RFX3: variants seen among roughly 807,000 people sequenced by gnomAD.
The protein encoded by RFX3 is regulatory factor X3.
Under a neutral mutation model 98.6 loss-of-function variants are expected in RFX3, and 14 were observed. The ratio of observed to expected loss-of-function variants is 0.14; its 90% confidence interval spans 0.09 to 0.22. RFX3 has a LOEUF of 0.22. Ranked by LOEUF, RFX3 falls within the 10% of genes least tolerant of loss-of-function variation. RFX3 has a pLI of 1.00. For synonymous variants in RFX3, 383 were observed against 328.4 expected (o/e 1.17, Z -1.80); for missense variants, 639 against 926.9 (o/e 0.69, Z 4.03).
intron 1 of RFX3, among the ~76,000 whole-genome samples, chr9:3,461,273 T>G (rs1301090208): frequency 6.6e-6 from 1 of 151,912 alleles, no homozygotes; most frequent in African/African-American, 2.4e-5. Context: ...AGTTCACCAT[T>G]TTTATTCATT....
chr9:3,293,866 T>C (rs574200492), intron 5 of RFX3, among the ~76,000 whole-genome samples: 1 of 152,264 alleles, frequency 6.6e-6, no homozygotes, highest in East Asian at 1.9e-4. Flanking sequence ...TGACAAGACA[T>C]TGGCAAAGAG....
chr9:3,412,098 A>G (rs1330388148), intron 1 of RFX3, among the ~76,000 whole-genome samples: 1 of 152,210 alleles, frequency 6.6e-6, no homozygotes, highest in Non-Finnish European at 1.5e-5. Context: ...GTGTCTCAAA[A>G]CAAAGCTTAC....
rs553122338 is a variant in RFX3, at chr9:3,350,426, A to T, written c.118-3662T>A. On this transcript the variant is annotated intron_variant, in intron 2 of 16. Transcript: ENST00000617270. ...AACACTGATAATACTAAATGCTAGC[A>T]GGGATGTGAGAAATATAGAAACTCT... Among the ~76,000 whole-genome samples, 60 of 152,300 alleles carry T rather than the reference A, an allele frequency of 3.9e-4. No homozygotes were observed. The South Asian group carries it at 9.5e-3, about 24-fold the overall frequency.
chr9:3,496,463 C>T (rs909051587), intron 1 of RFX3, among the ~76,000 whole-genome samples: 3 of 151,958 alleles, frequency 2.0e-5, no homozygotes, highest in African/African-American at 4.8e-5. Context: ...TGATTGTCTA[C>T]TGCCATGTTA....
At chr9:3,419,539 A>C (rs891482305) in intron 1 of RFX3, among the ~76,000 whole-genome samples, 6 of 152,184 alleles carry the variant, frequency 3.9e-5, no homozygotes, top group Non-Finnish European at 7.3e-5. Context: ...TATGGTAATA[A>C]AATACCAAAT....
At chr9:3,227,898 G>A (rs762974257) in intron 16 of RFX3, among the ~76,000 whole-genome samples, 11 of 152,182 alleles carry the variant, frequency 7.2e-5, no homozygotes, top group Admixed American at 1.3e-4. Flanking sequence ...GGCGAATAGC[G>A]CCGAACCTCT....
intron 5 of RFX3, among the ~76,000 whole-genome samples, chr9:3,300,204 G>A (rs770868476): frequency 2.0e-5 from 3 of 151,578 alleles, no homozygotes; most frequent in Non-Finnish European, 4.4e-5. Flanking sequence ...ACATAAAAGA[G>A]TGACATACTA....
chr9:3,263,058 C>G lies in RFX3; in HGVS notation c.1482G>C (p.Gln494His). The stretch of plus-strand genomic sequence containing the variant: ...TAAGCGACGTGTATCTTCGCAGAGT[C>G]TGGGCAAAGGCACTTACAGCGGCAA... ...TKVAAVSAFA[Q>H]TLRRYTSLNH... is the part of the protein sequence containing the mutation. The change falls in exon 13 of 17, where the codon CAG (glutamine) becomes CAC (histidine). Residue 494 changes from glutamine to histidine, a missense_variant. Physicochemically the swap from Gln to His is conservative, Grantham distance 24 (BLOSUM62 0). Coordinates refer to ENST00000617270, the MANE Select transcript of RFX3 (RefSeq NM_001282116.2). The G allele has an allele frequency of 6.2e-7, 1 of 1,613,750 alleles. No individual in the cohort carries two copies. Among genetic ancestry groups the G allele is most frequent in the Non-Finnish European group, 8.5e-7 (1 of 1,179,724 alleles).
chr9:3,463,738 T>C (rs974518766), intron 1 of RFX3, among the ~76,000 whole-genome samples: 2 of 151,982 alleles, frequency 1.3e-5, no homozygotes, highest in African/African-American at 2.4e-5. Context: ...TGGGAGGCCA[T>C]GGCAGGAGGA....
intron 4 of RFX3, among the ~76,000 whole-genome samples, chr9:3,327,555 CT>C (rs981710080): frequency 1.2e-4 from 18 of 150,434 alleles, no homozygotes; most frequent in Admixed American, 2.7e-4. Flanking sequence ...ACAAAAGTTA[CT>C]TTTTTTTTAA....
At chr9:3,359,200 G>T (rs1563982542) in intron 2 of RFX3, among the ~76,000 whole-genome samples, 1 of 151,892 alleles carries the variant, frequency 6.6e-6, no homozygotes, top group Non-Finnish European at 1.5e-5. Flanking sequence ...AGCAAAGAGG[G>T]ATTAAAAAAG....
At chr9:3,463,030 C>A (rs901617113) in intron 1 of RFX3, among the ~76,000 whole-genome samples, 2 of 151,996 alleles carry the variant, frequency 1.3e-5, no homozygotes, top group Admixed American at 6.6e-5. Context: ...CAATCAAAAT[C>A]CCAGTAGGCT....
chr9:3,464,480 A>G (rs1038416788), intron 1 of RFX3, among the ~76,000 whole-genome samples: 2 of 152,244 alleles, frequency 1.3e-5, no homozygotes, highest in Non-Finnish European at 2.9e-5. Context: ...CTGCTGATAC[A>G]TATACAGCTA....
At position 3,223,803 on chromosome 9, in the gene RFX3, T is replaced by A. The variant is rs1024940289; in HGVS notation, c.*1239A>T. 7 of 152,148 alleles carry A rather than the reference T, an allele frequency of 4.6e-5. No homozygotes were observed. The highest frequency in any genetic ancestry group is 1.7e-4 in the African/African-American group (7 of 41,438). 9.4% of individuals were successfully genotyped at this position (152,148 alleles called of 1,614,324 possible). A position where few individuals can be genotyped will look rare whatever the true frequency, so the allele number is the denominator to read the frequency against. On this transcript the variant is annotated 3_prime_UTR_variant, in exon 17 of 17. Transcript: ENST00000617270. ...AAACCTTACTAAACCTTAGCTTCAG[T>A]TCTGTTTTAAGGCACCATGTAATAG...
At chr9:3,330,696 G>T (rs905484499) in intron 3 of RFX3, among the ~76,000 whole-genome samples, 179 bp from the exon 4 acceptor site, 2 of 151,854 alleles carry the variant, frequency 1.3e-5, no homozygotes, top group African/African-American at 4.8e-5. Context: ...TCAAATTAAG[G>T]GGCCACTCAT....
In RFX3 at chr9:3,455,351, A is replaced by G. The variant is rs1226494427; in HGVS notation, c.-8-59755T>C. Among the ~76,000 whole-genome samples, 2 of 152,216 alleles carry G rather than the reference A, an allele frequency of 1.3e-5. 1 individual carries two copies. Among genetic ancestry groups the G allele is most frequent in the African/African-American group, 4.8e-5 (2 of 41,532 alleles). On this transcript the variant is annotated intron_variant, in intron 1 of 16. Coordinates refer to ENST00000617270, the MANE Select transcript of RFX3 (RefSeq NM_001282116.2). ...ACCTAGTCAATGCATATTCTTTCTT[A>G]ATTCAGGCAAGCCTTCCCTTCCCTT... is the stretch of plus-strand genomic sequence containing the variant.
chr9:3,230,066 G>A (rs767418858), intron 15 of RFX3, among the ~76,000 whole-genome samples: 1 of 152,052 alleles, frequency 6.6e-6, no homozygotes, highest in Non-Finnish European at 1.5e-5. Flanking sequence ...TCCAACTATG[G>A]CTCCAAACAA....
At chr9:3,297,236 T>C (rs571856905) in intron 5 of RFX3, among the ~76,000 whole-genome samples, 4 of 152,138 alleles carry the variant, frequency 2.6e-5, no homozygotes, top group Non-Finnish European at 5.9e-5. Context: ...CTTTTGCTCT[T>C]TTATAAAATG....
At chr9:3,340,453 A>G (rs1187813455) in intron 3 of RFX3, among the ~76,000 whole-genome samples, 1 of 152,224 alleles carries the variant, frequency 6.6e-6, no homozygotes, top group East Asian at 1.9e-4. Context: ...AACTACCATC[A>G]GAGTGAACAG....
Sources: allele counts gnomAD v4.1 joint callset (sites outside exome capture counted in the v4.1 genomes callset), GRCh38; gene constraint gnomAD v4.1.1; transcripts MANE v1.5; gene names NCBI Gene and HGNC (gene_info 2026-07-23, HGNC 2026-07-21).